Variants in CNTN4 observed in about 807,000 individuals in gnomAD.
CNTN4 encodes the protein contactin-4.
A neutral mutation model predicts 122.5 loss-of-function variants in CNTN4; 77 were observed. The ratio of observed to expected loss-of-function variants is 0.63; its 90% confidence interval spans 0.52 to 0.76. CNTN4 has a LOEUF of 0.76. Among genes scored for constraint, CNTN4 ranks in the 30% least tolerant of loss-of-function variants. CNTN4 has a pLI of 0.00. For missense variants in CNTN4, 1,256 were observed against 1,259.1 expected (o/e 1.00, Z 0.04); for synonymous variants, 512 against 447.0 (o/e 1.15, Z -1.83).
Position 2,728,379 on chromosome 3 carries a change from C to T in CNTN4, c.56-7836C>T, listed in dbSNP as rs78315930. ...AGCCAGCAGGACACAGTGTGCCCTA[C>T]GTGTGCCCTTCTTGGAACATGCTGG... On this transcript the variant is annotated intron_variant, in intron 4 of 24. Transcript: ENST00000418658. Among the ~76,000 whole-genome samples the T allele has an allele frequency of 7.9e-3, 1,205 of 152,278 alleles. 13 individuals carry two copies. Among genetic ancestry groups the T allele is most frequent in the African/African-American group, 0.028 (1,150 of 41,560 alleles).
chr3:2,820,957 C>CTTTTTTTTTTTTT (rs1435679583), intron 7 of CNTN4, among the ~76,000 whole-genome samples: 1 of 70,620 alleles, frequency 1.4e-5, no homozygotes, highest in African/African-American at 5.6e-5. Context: ...AACATTTTCT[C>CTTTTTTTTTTTTT]TTTCTTTTTT....
chr3:2,926,540 T>C (rs530099880), intron 13 of CNTN4, among the ~76,000 whole-genome samples: 1 of 152,324 alleles, frequency 6.6e-6, no homozygotes, highest in East Asian at 1.9e-4. Context: ...AAAATGGTAA[T>C]TATGCGTGAA....
intron 3 of CNTN4, among the ~76,000 whole-genome samples, chr3:2,518,507 GTTC>G (rs1185222308): frequency 6.6e-6 from 1 of 152,094 alleles, no homozygotes; most frequent in African/African-American, 2.4e-5. Context: ...GGCTCTGACA[GTTC>G]TTCTAATATA....
chr3:2,721,463 A>G (rs1044521951), intron 4 of CNTN4, among the ~76,000 whole-genome samples: 2 of 152,296 alleles, frequency 1.3e-5, no homozygotes, highest in African/African-American at 4.8e-5. Context: ...TGCCATGAAC[A>G]TGGAAGTATT....
At chr3:2,956,575 A>G (rs2094801582) in intron 13 of CNTN4, among the ~76,000 whole-genome samples, 1 of 152,096 alleles carries the variant, frequency 6.6e-6, no homozygotes, top group Non-Finnish European at 1.5e-5. Flanking sequence ...TTTTATTTTT[A>G]ATAGGTAAAT....
chr3:3,053,753 A>G (rs900257206), intron 23 of CNTN4, 54 bp from the exon 24 acceptor site: 1 of 1,582,664 alleles, frequency 6.3e-7, no homozygotes, highest in Non-Finnish European at 8.7e-7. Flanking sequence ...AATGCTCCAT[A>G]TTTGGGACCT....
chr3:2,521,343 T>TCGGCCCCCCCCCCC (rs781282977), intron 3 of CNTN4, among the ~76,000 whole-genome samples: 11 of 128,308 alleles, frequency 8.6e-5, no homozygotes, highest in African/African-American at 1.3e-4. Context: ...CCTCTACCCA[T>TCGGCCCCCCCCCCC]CCCCCCCACC....
intron 3 of CNTN4, among the ~76,000 whole-genome samples, chr3:2,408,454 A>T (rs754853881): frequency 7.2e-5 from 11 of 152,210 alleles, no homozygotes; most frequent in Non-Finnish European, 1.5e-4. Context: ...ATTTAGGAGA[A>T]AGTCATGCCA....
intron 23 of CNTN4, among the ~76,000 whole-genome samples, chr3:3,047,950 C>G (rs193016959): frequency 6.6e-6 from 1 of 152,216 alleles, no homozygotes; most frequent in African/African-American, 2.4e-5. Flanking sequence ...GGGGATATCA[C>G]CACCCTTGAG....
At position 2,400,200 on chromosome 3, in the gene CNTN4, C is replaced by T. The variant is rs536927059; in HGVS notation, c.-89+60967C>T. 9.2e-4 allele frequency among the ~76,000 whole-genome samples: 140 copies of T among 151,790 alleles called. 1 individual carries two copies. Among genetic ancestry groups the T allele is most frequent in the African/African-American group, 3.2e-3 (131 of 41,460 alleles). On this transcript the variant is annotated intron_variant, in intron 3 of 24. Transcript: ENST00000418658. ...GTGAAGCTTTCCTGTGTAACCCTAC[C>T]ACGAAATAATATTTTTCTACTTTAA... is the stretch of plus-strand genomic sequence containing the variant.
intron 4 of CNTN4, among the ~76,000 whole-genome samples, chr3:2,701,777 A>G (rs2086373275): frequency 6.6e-6 from 1 of 152,152 alleles, no homozygotes; most frequent in South Asian, 2.1e-4. Context: ...GGCTGTTTTC[A>G]GGAATCCTTA....
At chr3:2,481,692 G>T (rs939731768) in intron 3 of CNTN4, among the ~76,000 whole-genome samples, 7 of 152,080 alleles carry the variant, frequency 4.6e-5, no homozygotes, top group Non-Finnish European at 7.4e-5. Flanking sequence ...TAATCCCTAT[G>T]TGTTGTGGGG....
chr3:2,635,459 A>T (rs1217669148), intron 4 of CNTN4, among the ~76,000 whole-genome samples: 1 of 152,184 alleles, frequency 6.6e-6, no homozygotes, highest in Non-Finnish European at 1.5e-5. Flanking sequence ...GTTTGTGTAT[A>T]TCTACATAAA....
chr3:2,666,514 T>C (rs1418386320), intron 4 of CNTN4, among the ~76,000 whole-genome samples: 1 of 152,266 alleles, frequency 6.6e-6, no homozygotes, highest in African/African-American at 2.4e-5. Context: ...ATTACTGATT[T>C]ATTTTATCTA....
intron 14 of CNTN4, among the ~76,000 whole-genome samples, chr3:2,990,225 G>A (rs907062448): frequency 3.3e-5 from 5 of 152,188 alleles, no homozygotes; most frequent in Admixed American, 1.3e-4. Flanking sequence ...CATGCTAAGC[G>A]ATTAACAGGG....
chr3:2,335,297 T>G, intron 2 of CNTN4, among the ~76,000 whole-genome samples: 1 of 127,422 alleles, frequency 7.8e-6, no homozygotes, highest in East Asian at 2.3e-4. Context: ...GAATTTTTCA[T>G]GATTAAAAAA....
At chr3:2,591,867 TTTTATTTTTTTA>T in intron 4 of CNTN4, among the ~76,000 whole-genome samples, 1 of 152,172 alleles carries the variant, frequency 6.6e-6, no homozygotes, top group South Asian at 2.1e-4. Context: ...ATTGAAAGGT[TTTTATTTTTTTA>T]TTTATTTTTA....
intron 3 of CNTN4, among the ~76,000 whole-genome samples, chr3:2,352,891 A>G (rs1264310292): frequency 6.6e-6 from 1 of 152,182 alleles, no homozygotes; most frequent in Non-Finnish European, 1.5e-5. Context: ...TATATGCACC[A>G]GTCAGCACTC....
intron 2 of CNTN4, among the ~76,000 whole-genome samples, chr3:2,129,257 A>G (rs2034329641): frequency 6.8e-6 from 1 of 147,014 alleles, no homozygotes; most frequent in South Asian, 2.4e-4. Flanking sequence ...ATGCTTGTCC[A>G]AACCTGCAAA....
Sources: allele counts gnomAD v4.1 joint callset (sites outside exome capture counted in the v4.1 genomes callset), GRCh38; gene constraint gnomAD v4.1.1; transcripts MANE v1.5; gene names NCBI Gene and HGNC (gene_info 2026-07-23, HGNC 2026-07-21).